Variants in STAG3 observed in about 807,000 individuals in gnomAD.
STAG3 encodes STAG3 cohesin complex component.
In STAG3, 101 loss-of-function variants were observed where a neutral mutation model predicts 160.7. The ratio of observed to expected loss-of-function variants is 0.63; its 90% confidence interval spans 0.54 to 0.74. The LOEUF is 0.74. Ranked by LOEUF, STAG3 falls within the 30% of genes least tolerant of loss-of-function variation. The probability of loss-of-function intolerance (pLI) is 0.00; values close to 1 mark genes in which losing one functional copy is unlikely to be tolerated. For missense variants in STAG3, 1,188 were observed against 1,517.4 expected (o/e 0.78, Z 3.61); for synonymous variants, 519 against 585.0 (o/e 0.89, Z 1.63).
downstream of STAG3, among the ~76,000 whole-genome samples, chr7:100,215,665 T>C (rs909725210): frequency 6.6e-6 from 1 of 152,088 alleles, no homozygotes; most frequent in Admixed American, 6.5e-5. Flanking sequence ...TTTGCATCAA[T>C]ATGGACACCT....
chr7:100,185,556 C>T (rs2117107852), intron 4 of STAG3, among the ~76,000 whole-genome samples: 1 of 143,890 alleles, frequency 6.9e-6, no homozygotes, highest in East Asian at 2.1e-4. Context: ...GAGCCGAGAT[C>T]ACACCATTGC....
At chr7:100,219,218 T>A (rs564201558), downstream of STAG3, 3 of 153,060 alleles carry the variant, frequency 2.0e-5, no homozygotes, top group Non-Finnish European at 4.4e-5. Flanking sequence ...GTGAGAGACA[T>A]GGGTTCAACT....
At chr7:100,200,659 T>C in intron 18 of STAG3, 110 bp from the exon 19 acceptor site, 1 of 1,529,968 alleles carries the variant, frequency 6.5e-7, no homozygotes, top group East Asian at 2.3e-5. Flanking sequence ...AGCCTTTTCT[T>C]AGGCATCTTA....
rs1201531606 is a variant in STAG3, at chr7:100,209,893, T to C, written c.3239-1118T>C. Among the ~76,000 whole-genome samples the C allele has an allele frequency of 2.0e-5, 3 of 152,188 alleles. No individual in the cohort carries two copies. In the East Asian group the frequency reaches 5.8e-4, roughly 29 times the overall value. ...AGATGGGGAAGGCAGAGAGTGAAGA[T>C]AGCTGTGGGGGAAGGTTGGGGCATT... is the stretch of plus-strand genomic sequence containing the variant. On this transcript the variant is annotated intron_variant, in intron 29 of 33. Coordinates refer to ENST00000615138, the MANE Select transcript of STAG3 (RefSeq NM_001282717.2).
At chr7:100,209,046 C>G (rs1335573884) in intron 29 of STAG3, among the ~76,000 whole-genome samples, 1 of 152,098 alleles carries the variant, frequency 6.6e-6, no homozygotes, top group African/African-American at 2.4e-5. Context: ...GGGACACTTA[C>G]AAGGTGTCTC....
In STAG3 at chr7:100,211,055, G is replaced by A; in HGVS notation, c.3283G>A (p.Glu1095Lys). ...NREDVSSSQE[E>K]SLQLNSIPPT... ...AGAGGACGTCTCCTCGTCCCAGGAA[G>A]AAAGTCTGCAGCTGAACAGCATCCC... The change falls in exon 30 of 34, where the codon GAA (glutamate) becomes AAA (lysine). Residue 1095 changes from glutamate to lysine, a missense_variant. By Grantham distance (56) the Glu-to-Lys change is moderately conservative. Around this residue, in one of 4 missense-constraint regions of STAG3, gnomAD observed 647 missense variants for 717.2 expected, o/e 0.90. Coordinates refer to ENST00000615138, the MANE Select transcript of STAG3 (RefSeq NM_001282717.2). 8 of 1,614,042 alleles carry A rather than the reference G, an allele frequency of 5.0e-6. No homozygotes were observed. Among genetic ancestry groups the A allele is most frequent in the Non-Finnish European group, 6.8e-6 (8 of 1,180,002 alleles).
intron 26 of STAG3, 24 bp downstream of exon 26, chr7:100,204,146 A>G (rs1239625260): frequency 1.3e-6 from 2 of 1,591,184 alleles, no homozygotes; most frequent in Admixed American, 3.3e-5. Flanking sequence ...CCTTGAGGAC[A>G]TGCCAGCCCT....
In STAG3 at chr7:100,214,122, C is replaced by T; in HGVS notation, c.*107C>T. On this transcript the variant is annotated 3_prime_UTR_variant, in exon 34 of 34. Transcript: ENST00000615138. Reference sequence around the variant, plus strand: ...AATGAAGCATTCCCCCAGGCTTCAGCCCTGGGCTCTGAGGGGAAAGAGTTG... The same window carrying T: ...AATGAAGCATTCCCCCAGGCTTCAGTCCTGGGCTCTGAGGGGAAAGAGTTG... The T allele has an allele frequency of 7.0e-7, 1 of 1,433,910 alleles. No individual in the cohort carries two copies. The highest frequency in any genetic ancestry group is 2.4e-4 in the Middle Eastern group (1 of 4,116). The allele number at this position is 1,433,910 out of a possible 1,614,324, so 88.8% of individuals were successfully genotyped here.
rs1337927226 is a variant in STAG3, at chr7:100,188,578, A to G, written c.510+49A>G. ...TCTTACCCCTCTTATTTCAAAACAC[A>G]ATGCCTATTATCCCCTTCTTTTTGA... On this transcript the variant is annotated intron_variant, in intron 6 of 33. Coordinates refer to ENST00000615138, the MANE Select transcript of STAG3 (RefSeq NM_001282717.2). The G allele has an allele frequency of 2.9e-6, 4 of 1,367,588 alleles. No individual in the cohort carries two copies. The African/African-American group carries it at 4.3e-5, about 15-fold the overall frequency. The allele number at this position is 1,367,588 out of a possible 1,614,324, so 84.7% of individuals were successfully genotyped here. A position where few individuals can be genotyped will look rare whatever the true frequency, so the allele number is the denominator to read the frequency against.
At chr7:100,204,573 C>G (rs939340177) in intron 26 of STAG3, 54 bp from the exon 27 acceptor site, 178 of 1,588,626 alleles carry the variant, frequency 1.1e-4, no homozygotes, top group Non-Finnish European at 1.3e-4. Context: ...CTGGACTTCT[C>G]TGTTTCCGCC....
rs1365224838 is a variant in STAG3, at chr7:100,189,013, G to A, written c.712G>A (p.Ala238Thr). 9 of 1,614,136 alleles carry A rather than the reference G, an allele frequency of 5.6e-6. No homozygotes were observed. Among genetic ancestry groups the A allele is most frequent in the Non-Finnish European group, 7.6e-6 (9 of 1,180,010 alleles). The change falls in exon 7 of 34, where the codon GCT (alanine) becomes ACT (threonine). Residue 238 changes from alanine to threonine, a missense_variant. By Grantham distance (58) the Ala-to-Thr change is moderately conservative. Around this residue, in one of 4 missense-constraint regions of STAG3, gnomAD observed 296 missense variants for 404.0 expected, o/e 0.73. Transcript: ENST00000615138. Reference protein sequence around the residue: ...VRAFRHTSTLAAMKLMTSLVK... With the variant: ...VRAFRHTSTLTAMKLMTSLVK... ...CGCCTTCCGTCACACTAGCACCCTG[G>A]CTGGTGAGCATTCATTTTTACTCTG...
downstream of STAG3, among the ~76,000 whole-genome samples, chr7:100,217,993 GTCT>G: frequency 6.7e-6 from 1 of 150,142 alleles, no homozygotes; most frequent in South Asian, 2.2e-4. Context: ...GTGGAGCAGC[GTCT>G]TCTCTAACTC....
At chr7:100,180,414 C>T (rs1214814856) in intron 1 of STAG3, 79 bp from the exon 2 acceptor site, 6 of 650,924 alleles carry the variant, frequency 9.2e-6, no homozygotes, top group East Asian at 2.6e-5. Flanking sequence ...GAACCATTCC[C>T]TTGGAAAGAA....
In STAG3 at chr7:100,202,543, G is replaced by C. The variant is rs577132644; in HGVS notation, c.2653G>C (p.Val885Leu). 6.2e-7 allele frequency: 1 copy of C among 1,614,124 alleles called. No individual in the cohort carries two copies. Among genetic ancestry groups the C allele is most frequent in the African/African-American group, 1.3e-5 (1 of 75,034 alleles). Residue 885 changes from valine to leucine, a missense_variant, in exon 25 of 34, where the codon GTG becomes CTG. This residue lies in a region of STAG3 where 647 missense variants were observed against 717.2 expected (regional missense o/e 0.90). Coordinates refer to ENST00000615138, the MANE Select transcript of STAG3 (RefSeq NM_001282717.2). Reference protein sequence around the residue: ...AGFCKLLLYGVLEMDAASDVF... With the variant: ...AGFCKLLLYGLLEMDAASDVF... ...GTTCTGCAAGCTGTTGCTTTATGGG[G>C]TGCTGGAGATGGATGCAGCCTCAGA...
chr7:100,198,294 T>G, intron 12 of STAG3, 128 bp downstream of exon 12: 1 of 1,068,048 alleles, frequency 9.4e-7, no homozygotes, highest in South Asian at 1.3e-5. Context: ...AGTTGCAGTA[T>G]GTTGAGGGGG....
At chr7:100,179,606 A>G (rs1225786555) in intron 1 of STAG3, among the ~76,000 whole-genome samples, 1 of 151,940 alleles carries the variant, frequency 6.6e-6, no homozygotes, top group Non-Finnish European at 1.5e-5. Flanking sequence ...GCCTCTAGAG[A>G]GAGATGTGTC....
intron 2 of STAG3, among the ~76,000 whole-genome samples, chr7:100,181,724 G>T (rs1799658372): frequency 6.6e-6 from 1 of 152,084 alleles, no homozygotes; most frequent in Non-Finnish European, 1.5e-5. Context: ...GAGGCGGGTG[G>T]ATCACCTGAA....
downstream of STAG3, chr7:100,218,372 T>A (rs1802951762): frequency 5.4e-6 from 1 of 184,892 alleles, no homozygotes; most frequent in Non-Finnish European, 1.1e-5. Context: ...ACTATTCTTA[T>A]TCTATGTATT....
chr7:100,194,294 T>C (rs1800543346), intron 8 of STAG3, among the ~76,000 whole-genome samples: 1 of 152,232 alleles, frequency 6.6e-6, no homozygotes, highest in Non-Finnish European at 1.5e-5. Context: ...AACATGTGAC[T>C]CTTCCTTTCA....
Sources: allele counts gnomAD v4.1 joint callset (sites outside exome capture counted in the v4.1 genomes callset), GRCh38; gene constraint gnomAD v4.1.1; regional missense constraint gnomAD v4.1.1; transcripts MANE v1.5; gene names NCBI Gene and HGNC (gene_info 2026-07-23, HGNC 2026-07-21).